Variants in IWS1 observed in about 807,000 individuals in gnomAD.
IWS1 encodes protein IWS1 homolog.
A neutral mutation model predicts 86.7 loss-of-function variants in IWS1; 27 were observed. The observed-to-expected ratio is 0.31, with a 90% CI of 0.23 to 0.43. The LOEUF (loss-of-function observed/expected upper bound fraction) is 0.43. IWS1 is among the 20% of genes least tolerant of loss of function. The pLI, the probability that IWS1 is intolerant of heterozygous loss-of-function variation, is 1.00. For missense variants in IWS1, 827 were observed against 1,000.8 expected, an observed-to-expected ratio of 0.83 and a Z score of 2.34; for synonymous variants, 313 against 335.1, an observed-to-expected ratio of 0.93 and a Z score of 0.72.
intron 10 of IWS1, among the ~76,000 whole-genome samples, chr2:127,491,604 C>T (rs1010641510): frequency 1.3e-5 from 2 of 152,168 alleles, no homozygotes; most frequent in Non-Finnish European, 2.9e-5. Context: ...CCACCATGCC[C>T]GGCTAATTTT....
intron 2 of IWS1, among the ~76,000 whole-genome samples, chr2:127,518,112 T>C (rs761533097): frequency 6.6e-6 from 1 of 152,120 alleles, no homozygotes; most frequent in Non-Finnish European, 1.5e-5. Flanking sequence ...GCAAAAGCGT[T>C]TCTTAGGTGA....
chr2:127,512,637 C>T (rs986182260), intron 2 of IWS1, among the ~76,000 whole-genome samples: 7 of 152,190 alleles, frequency 4.6e-5, no homozygotes, highest in Non-Finnish European at 8.8e-5. Context: ...ACCCCTAACC[C>T]GTTTCTCCAA....
In IWS1 at chr2:127,524,541, C is replaced by CT. The variant is rs111899416; in HGVS notation, c.35-751dup. On this transcript the variant is annotated intron_variant, in intron 1 of 13. Coordinates refer to ENST00000295321, the MANE Select transcript of IWS1 (RefSeq NM_017969.3). Reference sequence around the variant, plus strand: ...TATATACATGTATTACATATAATTACTTTTTTTTTTTTTGGAGACACAGTT... The same window carrying CT: ...TATATACATGTATTACATATAATTACTTTTTTTTTTTTTTGGAGACACAGTT... 8.0e-3 allele frequency among the ~76,000 whole-genome samples: 1,161 copies of CT among 144,884 alleles called. 13 individuals are homozygous for CT. The highest frequency in any genetic ancestry group is 0.023 in the African/African-American group (906 of 39,720).
chr2:127,523,151 A>G (rs1692195357), intron 2 of IWS1, among the ~76,000 whole-genome samples: 1 of 152,296 alleles, frequency 6.6e-6, no homozygotes, highest in South Asian at 2.1e-4. Flanking sequence ...CAGAGGCTGC[A>G]GTGAGCCGAG....
intron 7 of IWS1, among the ~76,000 whole-genome samples, chr2:127,495,755 T>A (rs946181538): frequency 6.6e-6 from 1 of 152,228 alleles, no homozygotes; most frequent in Non-Finnish European, 1.5e-5. Flanking sequence ...CCATTTCCCA[T>A]GAAACTAGCA....
intron 4 of IWS1, among the ~76,000 whole-genome samples, chr2:127,503,180 T>C (rs540445065): frequency 6.6e-6 from 1 of 152,352 alleles, no homozygotes; most frequent in East Asian, 1.9e-4. Context: ...TGGAATCATA[T>C]ATGTCCTCTT....
Position 127,526,218 on chromosome 2 carries a change from ACT to A in IWS1, c.-12_-11del, listed in dbSNP as rs1558777360. On this transcript the variant is annotated 5_prime_UTR_variant, in exon 1 of 14. Transcript: ENST00000295321. ...AATATTCCGAGTCCATGGCAGGCGGACTCTCAGCGGGGAGTGTCCGCGCCCCG... is the reference window on the plus strand; with the variant it reads ...AATATTCCGAGTCCATGGCAGGCGGACTCAGCGGGGAGTGTCCGCGCCCCG... The A allele has an allele frequency of 6.4e-7, 1 of 1,566,234 alleles. No individual in the cohort carries two copies. Among genetic ancestry groups the A allele is most frequent in the Admixed American group, 1.9e-5 (1 of 53,254 alleles).
At chr2:127,483,193 G>A (rs1030144798) in intron 13 of IWS1, among the ~76,000 whole-genome samples, 19 of 152,078 alleles carry the variant, frequency 1.2e-4, no homozygotes, top group Non-Finnish European at 2.8e-4. Flanking sequence ...TGAAAAAATA[G>A]GCATTCCTTT....
At chr2:127,483,183 T>TG (rs1274125371) in intron 13 of IWS1, among the ~76,000 whole-genome samples, 1 of 152,200 alleles carries the variant, frequency 6.6e-6, no homozygotes, top group Admixed American at 6.5e-5. Context: ...TAAAAGTTCA[T>TG]GAAAAAATAG....
Position 127,493,423 on chromosome 2 carries a change from T to A in IWS1, c.1800-13A>T. 6.3e-7 allele frequency: 1 copy of A among 1,585,092 alleles called. No individual in the cohort carries two copies. Among genetic ancestry groups the A allele is most frequent in the Non-Finnish European group, 8.5e-7 (1 of 1,171,550 alleles). On this transcript the variant is annotated splice_polypyrimidine_tract_variant and intron_variant, in intron 8 of 13. Transcript: ENST00000295321. ...TTTAAGGTCCTGCCTGCAGTAACAA[T>A]AATTTTTAAAAATTCTGTGAACCTT...
rs553740431 is a variant in IWS1, at chr2:127,488,512, T to C, written c.2216+667A>G. Among the ~76,000 whole-genome samples, 374 of 152,314 alleles carry C rather than the reference T, an allele frequency of 2.5e-3. 3 individuals are homozygous for C. Among genetic ancestry groups the C allele is most frequent in the African/African-American group, 8.3e-3 (343 of 41,560 alleles). The stretch of plus-strand genomic sequence containing the variant: ...ACTAAGTCACCAACATATGACAGCT[T>C]TGCCTCTGCAATGTCTTCTCACCCC... On this transcript the variant is annotated intron_variant, in intron 12 of 13. Coordinates refer to ENST00000295321, the MANE Select transcript of IWS1 (RefSeq NM_017969.3).
At chr2:127,510,642 G>A (rs558919179) in intron 2 of IWS1, among the ~76,000 whole-genome samples, 4 of 151,748 alleles carry the variant, frequency 2.6e-5, no homozygotes, top group South Asian at 4.2e-4. Context: ...ACAAGCACAC[G>A]CCACCACGTC....
At chr2:127,524,799 TCTA>T (rs1351826339) in intron 1 of IWS1, among the ~76,000 whole-genome samples, 2 of 151,984 alleles carry the variant, frequency 1.3e-5, no homozygotes, top group Non-Finnish European at 2.9e-5. Context: ...CCGTGCTCGG[TCTA>T]CTTTTTAAAA....
upstream of IWS1, chr2:127,526,881 T>A: frequency 2.9e-6 from 1 of 345,320 alleles, no homozygotes; most frequent in South Asian, 2.2e-5. Flanking sequence ...CTGGGACTTG[T>A]AGTATGACGC....
At chr2:127,526,849 G>A, upstream of IWS1, 1 of 407,490 alleles carries the variant, frequency 2.5e-6, no homozygotes, top group Non-Finnish European at 4.5e-6. Context: ...CCCGCAGTAG[G>A]CAAGAAAGCG....
chr2:127,504,924 G>A lies in IWS1; in HGVS notation c.979C>T (p.Pro327Ser), dbSNP rs1691036862. 8.1e-6 allele frequency: 13 copies of A among 1,614,038 alleles called. No individual in the cohort carries two copies. Among genetic ancestry groups the A allele is most frequent in the Non-Finnish European group, 1.0e-5 (12 of 1,180,014 alleles). Reference sequence around the variant, plus strand: ...CTGTCGCTGTCATCATCTGACTCTGGCTTCTGTTTGTGTCTGGACGCATCC... The same window carrying A: ...CTGTCGCTGTCATCATCTGACTCTGACTTCTGTTTGTGTCTGGACGCATCC... ...TEDASRHKQK[P>S]ESDDDSDREN... The change falls in exon 3 of 14, where the codon CCA becomes TCA. Residue 327 changes from proline to serine, a missense_variant. Physicochemically the swap from Pro to Ser is moderately conservative, Grantham distance 74 (BLOSUM62 -1). Coordinates refer to ENST00000295321, the MANE Select transcript of IWS1 (RefSeq NM_017969.3).
Position 127,505,651 on chromosome 2 carries a change from A to G in IWS1, c.252T>C (p.Ser84=), listed in dbSNP as rs1691102669. The G allele has an allele frequency of 6.2e-7, 1 of 1,613,772 alleles. No homozygotes were observed. Residue 84 remains serine (S), a synonymous_variant, in exon 3 of 14, where the codon AGT becomes AGC. Transcript: ENST00000295321. This position sits in a 1 kb window ranked among gnomAD's most constrained non-coding sequence, Gnocchi z 5.0. ...TGTCCTTTTGCCTGTGAAGCTCCTC[A>G]CTTTCAGAGTCACTAGCATTAAGAT... ...PLNLNASDSE[S]EELHRQKDSD...
intron 2 of IWS1, among the ~76,000 whole-genome samples, chr2:127,516,349 C>T (rs1691773600): frequency 6.6e-6 from 1 of 151,768 alleles, no homozygotes; most frequent in Non-Finnish European, 1.5e-5. Flanking sequence ...ACCCCGCCCC[C>T]GCAATACACA....
chr2:127,494,103 A>G (rs1690381674), intron 8 of IWS1, among the ~76,000 whole-genome samples: 1 of 151,994 alleles, frequency 6.6e-6, no homozygotes, highest in African/African-American at 2.4e-5. Flanking sequence ...TCAGAAATAT[A>G]AGCAAATCAG....
Sources: gnomAD v4.1 joint callset for allele counts (sites outside exome capture counted in the v4.1 genomes callset) on GRCh38, gnomAD v4.1.1 for gene constraint, Gnocchi (gnomAD v3.1) non-coding constraint, MANE v1.5 for transcripts, NCBI Gene and HGNC (gene_info 2026-07-23, HGNC 2026-07-21) for gene names.